The following XPO4 variants were observed in gnomAD, a reference collection of about 807,000 sequenced individuals.
XPO4 encodes the protein exportin 4, also known as exportin-4.
Under a neutral mutation model 143.0 loss-of-function variants are expected in XPO4, and 39 were observed. The observed-to-expected ratio is 0.27, with a 90% CI of 0.21 to 0.36. The LOEUF (loss-of-function observed/expected upper bound fraction) is 0.36. Among genes scored for constraint, XPO4 ranks in the 10% least tolerant of loss-of-function variants. The probability of loss-of-function intolerance (pLI) is 1.00; values close to 1 mark genes in which losing one functional copy is unlikely to be tolerated. For synonymous variants in XPO4, 439 were observed against 474.0 expected (o/e 0.93, Z 0.96); for missense variants, 907 against 1,348.0 (o/e 0.67, Z 5.12).
intron 1 of XPO4, 105 bp from the exon 2 acceptor site, chr13:20,868,806 G>A (rs9509410): frequency 0.42 from 394,283 of 942,572 alleles, 87,639 homozygotes; most frequent in Non-Finnish European, 0.47. Context: ...CTTTTGGGGG[G>A]CAAGAGGAAC....
intron 1 of XPO4, among the ~76,000 whole-genome samples, chr13:20,891,218 C>T (rs2060513137): frequency 6.7e-6 from 1 of 148,844 alleles, no homozygotes; most frequent in Admixed American, 6.7e-5. Context: ...GGCTCCCTTA[C>T]ATTAACCATG....
intron 16 of XPO4, 58 bp downstream of exon 16, chr13:20,799,103 CATAG>C (rs570993322): frequency 5.2e-4 from 736 of 1,428,242 alleles, no homozygotes; most frequent in Non-Finnish European, 6.6e-4. Flanking sequence ...TACGGCAACG[CATAG>C]ATAAAGGAAC....
chr13:20,811,932 T>C (rs1327944525), intron 9 of XPO4, among the ~76,000 whole-genome samples: 1 of 152,228 alleles, frequency 6.6e-6, no homozygotes, highest in Admixed American at 6.5e-5. Flanking sequence ...GGGAATGTTC[T>C]ATTAACATGT....
At chr13:20,788,458 G>T (rs369828383) in intron 20 of XPO4, 28 bp downstream of exon 20, 42 of 1,595,450 alleles carry the variant, frequency 2.6e-5, no homozygotes, top group Non-Finnish European at 3.3e-5. Flanking sequence ...CAAGTAACAA[G>T]TAACAGTGAT....
intron 9 of XPO4, among the ~76,000 whole-genome samples, chr13:20,814,985 G>A (rs1404264073): frequency 6.6e-6 from 1 of 152,150 alleles, no homozygotes; most frequent in Non-Finnish European, 1.5e-5. Context: ...TGAAAATGCT[G>A]TCAAATGAAG....
intron 16 of XPO4, 89 bp downstream of exon 16, chr13:20,799,076 A>T: frequency 8.3e-7 from 1 of 1,206,552 alleles, no homozygotes; most frequent in Non-Finnish European, 1.1e-6. Context: ...TGATACATTT[A>T]TGTCTCCAGA....
intron 9 of XPO4, among the ~76,000 whole-genome samples, chr13:20,820,045 C>T (rs1442312051): frequency 2.0e-5 from 3 of 151,954 alleles, no homozygotes; most frequent in African/African-American, 7.3e-5. Flanking sequence ...AATAGGTGAC[C>T]AATTATTTTA....
intron 4 of XPO4, among the ~76,000 whole-genome samples, chr13:20,844,785 A>G (rs2060013511): frequency 6.6e-6 from 1 of 152,222 alleles, no homozygotes; most frequent in African/African-American, 2.4e-5. Context: ...CTGGCAGGAA[A>G]TATCTGTTGA....
chr13:20,861,790 T>TTC (rs2060202260), intron 3 of XPO4, among the ~76,000 whole-genome samples: 1 of 136,412 alleles, frequency 7.3e-6, no homozygotes, highest in African/African-American at 2.8e-5. Context: ...TTTTTTTTTT[T>TTC]TTTTTTTTTT....
At chr13:20,797,845 T>C (rs995625029) in intron 16 of XPO4, among the ~76,000 whole-genome samples, 1 of 152,162 alleles carries the variant, frequency 6.6e-6, no homozygotes, top group Non-Finnish European at 1.5e-5. Context: ...CCCCAGGATA[T>C]GAACTTATTT....
intron 1 of XPO4, among the ~76,000 whole-genome samples, chr13:20,900,328 G>A (rs987629534): frequency 3.9e-5 from 6 of 151,938 alleles, no homozygotes; most frequent in African/African-American, 1.5e-4. Flanking sequence ...AGGTGGCAGT[G>A]AGCCAAGATC....
chr13:20,812,658 A>G (rs529867224), intron 9 of XPO4, among the ~76,000 whole-genome samples: 6 of 152,284 alleles, frequency 3.9e-5, no homozygotes, highest in African/African-American at 1.4e-4. Flanking sequence ...ACATTGGGGG[A>G]AAAACTGGTG....
chr13:20,877,152 G>A (rs2060360738), intron 1 of XPO4, among the ~76,000 whole-genome samples: 1 of 152,104 alleles, frequency 6.6e-6, no homozygotes, highest in East Asian at 1.9e-4. Flanking sequence ...TCTCAAGAAG[G>A]CAATAATTGC....
chr13:20,787,744 G>A (rs1370109965), intron 20 of XPO4, 146 bp from the exon 21 acceptor site: 1 of 645,184 alleles, frequency 1.5e-6, no homozygotes, highest in East Asian at 2.7e-5. Context: ...TCTTCACTGA[G>A]TTATATAAGG....
intron 1 of XPO4, among the ~76,000 whole-genome samples, chr13:20,884,195 C>T (rs751813609): frequency 1.1e-4 from 16 of 152,064 alleles, no homozygotes; most frequent in Non-Finnish European, 1.6e-4. Flanking sequence ...GGCAACAAGG[C>T]AGTCTCAAAA....
intron 6 of XPO4, among the ~76,000 whole-genome samples, chr13:20,832,187 G>A (rs2059861059): frequency 6.6e-6 from 1 of 152,070 alleles, no homozygotes; most frequent in African/African-American, 2.4e-5. Context: ...CAGCTTAATC[G>A]CACCCTGTAC....
chr13:20,836,586 T>C (rs1369488409), intron 6 of XPO4, among the ~76,000 whole-genome samples: 1 of 152,190 alleles, frequency 6.6e-6, no homozygotes, highest in African/African-American at 2.4e-5. Context: ...CTAATCTCCC[T>C]CTATAATTCT....
At chr13:20,894,269 G>A (rs1254746087) in intron 1 of XPO4, among the ~76,000 whole-genome samples, 1 of 152,160 alleles carries the variant, frequency 6.6e-6, no homozygotes, top group Non-Finnish European at 1.5e-5. Context: ...AACAGAGAAA[G>A]AGTGAATCCC....
At chr13:20,882,311 G>A (rs1270380259) in intron 1 of XPO4, among the ~76,000 whole-genome samples, 1 of 151,442 alleles carries the variant, frequency 6.6e-6, no homozygotes, top group Non-Finnish European at 1.5e-5. Flanking sequence ...CATACACACG[G>A]TACCAACATC....
Sources: gnomAD v4.1 joint callset for allele counts (sites outside exome capture counted in the v4.1 genomes callset) on GRCh38, gnomAD v4.1.1 for gene constraint, MANE v1.5 for transcripts, NCBI Gene and HGNC (gene_info 2026-07-23, HGNC 2026-07-21) for gene names.